The following CHD7 variants were observed in gnomAD, a reference collection of about 807,000 sequenced individuals.
The protein encoded by CHD7 is chromodomain helicase DNA binding protein 7, also known as ATP-dependent chromatin remodeler CHD7.
A neutral mutation model predicts 307.3 loss-of-function variants in CHD7; 24 were observed. The observed-to-expected ratio is 0.08, with a 90% CI of 0.06 to 0.11. The LOEUF is 0.11. Among genes scored for constraint, CHD7 ranks in the 10% least tolerant of loss-of-function variants. The pLI is 1.00. For synonymous variants in CHD7, 1,363 were observed against 1,349.9 expected, an observed-to-expected ratio of 1.01 and a Z score of -0.21; for missense variants, 3,106 against 3,727.1, an observed-to-expected ratio of 0.83 and a Z score of 4.34.
chr8:60,691,219 A>G (rs1806178337), intron 1 of CHD7, among the ~76,000 whole-genome samples: 1 of 152,142 alleles, frequency 6.6e-6, no homozygotes, highest in South Asian at 2.1e-4. Context: ...CCCAGCTGAC[A>G]TTATTCTTTA....
rs1803748923 is a variant in CHD7, at chr8:60,816,367, A to G, written c.2499-20A>G. 2 of 1,248,106 alleles carry G rather than the reference A, an allele frequency of 1.6e-6. No individual in the cohort carries two copies. Among genetic ancestry groups the G allele is most frequent in the Middle Eastern group, 1.9e-4 (1 of 5,162 alleles). The allele number at this position is 1,248,106 out of a possible 1,614,324, so 77.3% of individuals were successfully genotyped here. On this transcript the variant is annotated intron_variant, in intron 7 of 37. Coordinates refer to ENST00000423902, the MANE Select transcript of CHD7 (RefSeq NM_017780.4). ...TAATTATATTCTACATATTTCAAGGATATTGTTTTGTTCTTTCAGCTCTTA... is the reference window on the plus strand; with the variant it reads ...TAATTATATTCTACATATTTCAAGGGTATTGTTTTGTTCTTTCAGCTCTTA...
At chr8:60,789,945 G>C (rs969316029) in intron 3 of CHD7, among the ~76,000 whole-genome samples, 2 of 152,204 alleles carry the variant, frequency 1.3e-5, no homozygotes, top group Admixed American at 6.5e-5. Context: ...GTTGGTGTAT[G>C]CCTTGGTGCC....
chr8:60,807,905 A>G (rs1489194568), intron 6 of CHD7, among the ~76,000 whole-genome samples: 1 of 152,258 alleles, frequency 6.6e-6, no homozygotes, highest in Admixed American at 6.5e-5. Context: ...TCTACTTAAC[A>G]CTGTGGGTTT....
At chr8:60,810,682 A>G (rs1166653112) in intron 7 of CHD7, among the ~76,000 whole-genome samples, 1 of 152,110 alleles carries the variant, frequency 6.6e-6, no homozygotes, top group Non-Finnish European at 1.5e-5. Context: ...TTCTGTGACA[A>G]AGAAGCCTAT....
chr8:60,699,711 C>G (rs916691657), intron 1 of CHD7, among the ~76,000 whole-genome samples: 3 of 152,116 alleles, frequency 2.0e-5, no homozygotes, highest in African/African-American at 7.2e-5. Context: ...TCTAGTCCAT[C>G]TCCATTTCTA....
At position 60,862,529 on chromosome 8, in the gene CHD7, G is replaced by T; in HGVS notation, c.7972-19G>T. The T allele has an allele frequency of 6.4e-7, 1 of 1,553,010 alleles. No individual in the cohort carries two copies. The highest frequency in any genetic ancestry group is 2.4e-5 in the East Asian group (1 of 41,552). On this transcript the variant is annotated intron_variant, in intron 36 of 37. Transcript: ENST00000423902. The stretch of plus-strand genomic sequence containing the variant: ...GGGAAGACTGTGTTTTTAATCATTT[G>T]TCAAATGCCTCTACCCAGATGGGTG...
chr8:60,806,429 T>C (rs1218453147), intron 6 of CHD7, among the ~76,000 whole-genome samples: 1 of 152,174 alleles, frequency 6.6e-6, no homozygotes, highest in African/African-American at 2.4e-5. Flanking sequence ...GGGTCTTGGA[T>C]GGATGGCCAC....
In CHD7 at chr8:60,858,299, GTGA is replaced by G. The variant is rs200198875; in HGVS notation, c.7608+1413_7608+1415del. On this transcript the variant is annotated intron_variant, in intron 34 of 37. Transcript: ENST00000423902. Reference sequence around the variant, plus strand: ...TTTTTCAAAATTGATTACCAATGCAGTGATCATCATAATGGTCATATTTGTTGA... The same window carrying G: ...TTTTTCAAAATTGATTACCAATGCAGTCATCATAATGGTCATATTTGTTGA... Among the ~76,000 whole-genome samples the G allele has an allele frequency of 8.3e-3, 1,263 of 152,238 alleles. 7 individuals are homozygous for G. The highest frequency in any genetic ancestry group is 0.022 in the South Asian group (106 of 4,820).
intron 15 of CHD7, among the ~76,000 whole-genome samples, chr8:60,834,110 T>A (rs1484448140): frequency 1.3e-5 from 2 of 152,188 alleles, no homozygotes; most frequent in South Asian, 2.1e-4. Context: ...AAGGCAAAAA[T>A]TATTTTTTTA....
intron 1 of CHD7, among the ~76,000 whole-genome samples, chr8:60,740,583 G>A (rs1428245720): frequency 6.6e-6 from 1 of 152,130 alleles, no homozygotes; most frequent in Non-Finnish European, 1.5e-5. Flanking sequence ...GTATATTTCT[G>A]CCATTAAACA....
chr8:60,710,442 C>A (rs1398331197), intron 1 of CHD7, among the ~76,000 whole-genome samples: 2 of 152,158 alleles, frequency 1.3e-5, no homozygotes, highest in African/African-American at 2.4e-5. Context: ...GGACATCTTT[C>A]CTTCTTCACT....
At chr8:60,749,094 C>G (rs891599607) in intron 2 of CHD7, among the ~76,000 whole-genome samples, 2 of 151,666 alleles carry the variant, frequency 1.3e-5, no homozygotes, top group South Asian at 4.2e-4. Context: ...ATTACAAGGC[C>G]GGGCGTGGTG....
chr8:60,794,871 T>C, intron 3 of CHD7, 115 bp from the exon 4 acceptor site: 1 of 928,284 alleles, frequency 1.1e-6, no homozygotes, highest in African/African-American at 1.7e-5. Flanking sequence ...AAATAGCCAA[T>C]ATGTATGGAT....
intron 28 of CHD7, 110 bp from the exon 29 acceptor site, chr8:60,851,909 C>G: frequency 1.5e-6 from 1 of 676,708 alleles, no homozygotes; most frequent in East Asian, 2.8e-5. Flanking sequence ...ACTGAGATGC[C>G]CTTTCCCACA....
At chr8:60,759,392 CCTCTCT>C (rs150384717) in intron 2 of CHD7, among the ~76,000 whole-genome samples, 246 of 150,380 alleles carry the variant, frequency 1.6e-3, no homozygotes, top group African/African-American at 5.6e-3. Flanking sequence ...TCTCCCTCTC[CCTCTCT>C]CTCTCTCCGC....
chr8:60,861,207 A>G, intron 35 of CHD7, 82 bp downstream of exon 35: 2 of 1,058,398 alleles, frequency 1.9e-6, no homozygotes, highest in South Asian at 3.3e-5. Context: ...AATCCCTGAC[A>G]GCTGGTCCCT....
chr8:60,749,716 T>C (rs1809533185), intron 2 of CHD7, among the ~76,000 whole-genome samples: 1 of 152,100 alleles, frequency 6.6e-6, no homozygotes. Context: ...CCCCATCTGG[T>C]GCTCACAGAA....
At chr8:60,833,560 G>A (rs561284470) in intron 15 of CHD7, among the ~76,000 whole-genome samples, 5 of 152,084 alleles carry the variant, frequency 3.3e-5, no homozygotes, top group East Asian at 1.9e-4. Flanking sequence ...TTGTTTGTTC[G>A]TGGCTTTTAT....
chr8:60,737,948 A>G (rs888887671), intron 1 of CHD7, among the ~76,000 whole-genome samples: 3 of 152,224 alleles, frequency 2.0e-5, no homozygotes, highest in African/African-American at 4.8e-5. Context: ...TGCCTGGATC[A>G]TAGTAGGTGC....
Sources: gnomAD v4.1 joint callset for allele counts (sites outside exome capture counted in the v4.1 genomes callset) on GRCh38, gnomAD v4.1.1 for gene constraint, MANE v1.5 for transcripts, NCBI Gene and HGNC (gene_info 2026-07-23, HGNC 2026-07-21) for gene names.